The following STAC variants were observed in gnomAD, a reference collection of about 807,000 sequenced individuals.
STAC encodes the protein SH3 and cysteine rich domain.
Under a neutral mutation model 48.8 loss-of-function variants are expected in STAC, and 43 were observed. The observed-to-expected ratio is 0.88, with a 90% confidence interval of 0.69 to 1.14. The LOEUF is 1.14. Ranked by LOEUF, STAC falls within the 50% of genes most tolerant of loss-of-function variation. The probability of loss-of-function intolerance (pLI) is 0.00; values close to 1 mark genes in which losing one functional copy is unlikely to be tolerated. For missense variants in STAC, 497 were observed against 504.0 expected, an observed-to-expected ratio of 0.99 and a Z score of 0.13; for synonymous variants, 193 against 179.5, an observed-to-expected ratio of 1.07 and a Z score of -0.60.
intron 8 of STAC, chr3:36,506,222 A>C (rs549600561): frequency 6.2e-6 from 1 of 160,072 alleles, no homozygotes; most frequent in South Asian, 1.9e-4. Flanking sequence ...AAATATATTT[A>C]ATCAAATATC....
At position 36,486,082 on chromosome 3, in the gene STAC, G is replaced by T. The variant is rs371560822; in HGVS notation, c.572-52G>T. On this transcript the variant is annotated intron_variant, in intron 4 of 10. Coordinates refer to ENST00000273183, the MANE Select transcript of STAC (RefSeq NM_003149.3). ...ACCCAGGAGATGTGGTAGGCAGTTG[G>T]CTGGGTCCTCTCAGATGAGCTTCCT... 1.8e-5 allele frequency: 25 copies of T among 1,417,526 alleles called. No homozygotes were observed. The African/African-American group carries it at 3.5e-4, about 20-fold the overall frequency. The allele number at this position is 1,417,526 out of a possible 1,614,324, so 87.8% of individuals were successfully genotyped here.
At chr3:36,458,933 G>A (rs1393094985) in intron 2 of STAC, among the ~76,000 whole-genome samples, 1 of 152,214 alleles carries the variant, frequency 6.6e-6, no homozygotes, top group East Asian at 1.9e-4. Flanking sequence ...TAGGCCCTGA[G>A]ATTCTGCATT....
At chr3:36,543,150 CAA>C in intron 10 of STAC, among the ~76,000 whole-genome samples, 1 of 152,198 alleles carries the variant, frequency 6.6e-6, no homozygotes, top group South Asian at 2.1e-4. Context: ...CCCTCCAAAC[CAA>C]AAGAGTTCCC....
chr3:36,383,755 T>C (rs150841955), intron 1 of STAC, among the ~76,000 whole-genome samples: 418 of 152,338 alleles, frequency 2.7e-3, no homozygotes, highest in Admixed American at 5.2e-3. Context: ...AAAGAATTTA[T>C]AGCTTATCTC....
rs560913099 is a variant in STAC, at chr3:36,475,630, C to T, written c.389-7362C>T. 2.6e-5 allele frequency among the ~76,000 whole-genome samples: 4 copies of T among 152,312 alleles called. No individual in the cohort carries two copies. In the South Asian group the frequency reaches 8.3e-4, roughly 32 times the overall value. ...AGCATTCACAGAGGCTGTCGTGGGT[C>T]ACCCGGGGAGGCATGGTGAAAACTC... On this transcript the variant is annotated intron_variant, in intron 2 of 10. Coordinates refer to ENST00000273183, the MANE Select transcript of STAC (RefSeq NM_003149.3).
At chr3:36,509,960 G>T (rs1355447343) in intron 8 of STAC, among the ~76,000 whole-genome samples, 2 of 152,082 alleles carry the variant, frequency 1.3e-5, no homozygotes, top group Non-Finnish European at 2.9e-5. Flanking sequence ...ATTGACCATT[G>T]GGATCTAATG....
At chr3:36,482,901 T>C in intron 2 of STAC, 91 bp from the exon 3 acceptor site, 1 of 803,458 alleles carries the variant, frequency 1.2e-6, no homozygotes, top group Non-Finnish European at 2.0e-6. Flanking sequence ...AGGAAAGAAT[T>C]ACCTGGGGAA....
At chr3:36,531,446 C>T (rs1699062642) in intron 10 of STAC, among the ~76,000 whole-genome samples, 2 of 152,108 alleles carry the variant, frequency 1.3e-5, no homozygotes, top group Non-Finnish European at 1.5e-5. Context: ...TAGTGGAATC[C>T]GAACCCAGAT....
chr3:36,415,099 T>C (rs546255551), intron 1 of STAC, among the ~76,000 whole-genome samples: 4 of 152,264 alleles, frequency 2.6e-5, no homozygotes, highest in Admixed American at 1.3e-4. Context: ...GCCTCCCAGA[T>C]AGGCTACTCG....
intron 2 of STAC, among the ~76,000 whole-genome samples, chr3:36,470,420 A>G (rs1697298851): frequency 6.6e-6 from 1 of 152,250 alleles, no homozygotes; most frequent in Non-Finnish European, 1.5e-5. Context: ...GACGTGATCC[A>G]TCTTCGGTCT....
chr3:36,404,114 T>A (rs189817796), intron 1 of STAC, among the ~76,000 whole-genome samples: 3 of 152,166 alleles, frequency 2.0e-5, no homozygotes, highest in Admixed American at 6.5e-5. Context: ...GTAGGTCCTA[T>A]GTGAAAAAAC....
chr3:36,539,949 GT>G (rs1440973291), intron 10 of STAC, among the ~76,000 whole-genome samples: 9 of 152,320 alleles, frequency 5.9e-5, no homozygotes, highest in African/African-American at 2.2e-4. Flanking sequence ...TTTTGTAGAT[GT>G]GATTAAGTTA....
At chr3:36,533,495 T>A (rs1411975684) in intron 10 of STAC, among the ~76,000 whole-genome samples, 2 of 150,036 alleles carry the variant, frequency 1.3e-5, no homozygotes, top group Non-Finnish European at 3.0e-5. Context: ...TTTTTTTTTT[T>A]TTTTTTTCAG....
chr3:36,426,293 CCTTAT>C (rs1326393829), intron 1 of STAC, among the ~76,000 whole-genome samples: 1 of 152,094 alleles, frequency 6.6e-6, no homozygotes, highest in African/African-American at 2.4e-5. Context: ...AGGAAACTGC[CCTTAT>C]CTTATCTCTT....
chr3:36,499,327 C>G (rs1698227804), intron 6 of STAC, among the ~76,000 whole-genome samples: 1 of 152,034 alleles, frequency 6.6e-6, no homozygotes, highest in South Asian at 2.1e-4. Flanking sequence ...GAAATACTGA[C>G]TTTATGTGGG....
intron 1 of STAC, among the ~76,000 whole-genome samples, chr3:36,429,622 C>T (rs1490991700): frequency 1.3e-5 from 2 of 152,170 alleles, no homozygotes; most frequent in African/African-American, 2.4e-5. Flanking sequence ...ACACACTCTT[C>T]GGTATTGCCT....
intron 1 of STAC, among the ~76,000 whole-genome samples, chr3:36,442,739 T>TACACACACAC (rs10528748): frequency 1.1e-4 from 15 of 133,400 alleles, no homozygotes; most frequent in East Asian, 5.7e-4. Context: ...TCCTATGTCC[T>TACACACACAC]ACACACACAC....
chr3:36,451,593 C>T (rs1696682499), intron 2 of STAC, among the ~76,000 whole-genome samples: 1 of 152,060 alleles, frequency 6.6e-6, no homozygotes, highest in South Asian at 2.1e-4. Flanking sequence ...ATATAACTTC[C>T]CAATTCTTTT....
chr3:36,521,320 G>A (rs1250631376), intron 8 of STAC, among the ~76,000 whole-genome samples: 6 of 152,092 alleles, frequency 3.9e-5, no homozygotes, highest in Non-Finnish European at 8.8e-5. Context: ...ATTTAGTGGA[G>A]TTAGTTATAG....
Sources: gnomAD v4.1 joint callset for allele counts (sites outside exome capture counted in the v4.1 genomes callset) on GRCh38, gnomAD v4.1.1 for gene constraint, MANE v1.5 for transcripts, NCBI Gene and HGNC (gene_info 2026-07-23, HGNC 2026-07-21) for gene names.